LRRC7: variants seen among roughly 807,000 people sequenced by gnomAD.
The protein encoded by LRRC7 is leucine rich repeat containing 7, also known as leucine-rich repeat-containing protein 7.
In LRRC7, 23 loss-of-function variants were observed where a neutral mutation model predicts 175.7. The observed-to-expected ratio is 0.13, with a 90% CI of 0.09 to 0.19. The LOEUF (loss-of-function observed/expected upper bound fraction) is 0.19, where lower values mean the gene tolerates loss of function less well. Among genes scored for constraint, LRRC7 ranks in the 10% least tolerant of loss-of-function variants. The pLI is 1.00. For synonymous variants in LRRC7, 685 were observed against 680.9 expected, an observed-to-expected ratio of 1.01 and a Z score of -0.09; for missense variants, 1,354 against 1,904.7, an observed-to-expected ratio of 0.71 and a Z score of 5.38.
At chr1:69,642,300 C>A (rs920735956) in intron 1 of LRRC7, among the ~76,000 whole-genome samples, 1 of 151,706 alleles carries the variant, frequency 6.6e-6, no homozygotes, top group Non-Finnish European at 1.5e-5. Flanking sequence ...CAAAATATAA[C>A]AAATCTTGCT....
chr1:70,008,007 A>G (rs1234893831), intron 11 of LRRC7, among the ~76,000 whole-genome samples: 1 of 152,100 alleles, frequency 6.6e-6, no homozygotes, highest in Admixed American at 6.5e-5. Context: ...TTAGGGGAAT[A>G]GAACTAATCA....
chr1:69,703,668 C>T (rs891967327), intron 2 of LRRC7, among the ~76,000 whole-genome samples: 3 of 151,932 alleles, frequency 2.0e-5, no homozygotes, highest in Admixed American at 6.6e-5. Context: ...TCAACAGTTA[C>T]GTAATTGTTG....
At chr1:69,911,022 T>C (rs1450765513) in intron 7 of LRRC7, among the ~76,000 whole-genome samples, 1 of 152,204 alleles carries the variant, frequency 6.6e-6, no homozygotes, top group Non-Finnish European at 1.5e-5. Flanking sequence ...TATAATCTCC[T>C]GGTGTGCCGT....
chr1:69,825,733 T>G lies in LRRC7; in HGVS notation c.422-15T>G. The G allele has an allele frequency of 6.5e-7, 1 of 1,547,650 alleles. No individual in the cohort carries two copies. The highest frequency in any genetic ancestry group is 8.8e-7 in the Non-Finnish European group (1 of 1,131,478). On this transcript the variant is annotated splice_polypyrimidine_tract_variant and intron_variant, in intron 4 of 26. Transcript: ENST00000651989. ...TTGGAACATTTTCATGTACTTTGTT[T>G]TTTTCACATTTTAGGTGTACAAGAA...
At chr1:70,025,838 G>A (rs978755836) in intron 17 of LRRC7, among the ~76,000 whole-genome samples, 4 of 144,512 alleles carry the variant, frequency 2.8e-5, no homozygotes, top group African/African-American at 9.9e-5. Context: ...TTAAGGGGGG[G>A]GGGGTCCTCT....
intron 1 of LRRC7, among the ~76,000 whole-genome samples, chr1:69,643,995 T>C (rs1239955987): frequency 1.3e-5 from 2 of 152,138 alleles, no homozygotes; most frequent in Non-Finnish European, 2.9e-5. Flanking sequence ...AATAAAAATG[T>C]AGCAAAATTT....
intron 23 of LRRC7, among the ~76,000 whole-genome samples, chr1:70,055,201 G>A (rs575373082): frequency 5.9e-5 from 9 of 152,236 alleles, no homozygotes; most frequent in African/African-American, 1.4e-4. Flanking sequence ...ACCTGGAAAG[G>A]GCACCTGTTT....
intron 26 of LRRC7, among the ~76,000 whole-genome samples, chr1:70,115,288 A>AT (rs888945510): frequency 1.1e-4 from 16 of 152,192 alleles, no homozygotes; most frequent in African/African-American, 3.6e-4. Context: ...CTGCAGAAGC[A>AT]TTTTTTGTGT....
intron 7 of LRRC7, among the ~76,000 whole-genome samples, chr1:69,894,760 T>A (rs1645930472): frequency 6.6e-6 from 1 of 152,182 alleles, no homozygotes; most frequent in Non-Finnish European, 1.5e-5. Flanking sequence ...AAATGCTGTG[T>A]AATATCTCTA....
At chr1:70,089,511 G>A (rs537699499) in intron 24 of LRRC7, among the ~76,000 whole-genome samples, 1 of 152,086 alleles carries the variant, frequency 6.6e-6, no homozygotes, top group Non-Finnish European at 1.5e-5. Flanking sequence ...ATATCTTCTT[G>A]CCCAGGTAAT....
chr1:69,763,845 G>A (rs1343225474), intron 3 of LRRC7, among the ~76,000 whole-genome samples: 1 of 151,954 alleles, frequency 6.6e-6, no homozygotes, highest in African/African-American at 2.4e-5. Context: ...GATTTGTTGA[G>A]TAATAAGATA....
intron 7 of LRRC7, among the ~76,000 whole-genome samples, chr1:69,909,617 G>C (rs1452290806): frequency 6.6e-6 from 1 of 152,172 alleles, no homozygotes; most frequent in East Asian, 1.9e-4. Flanking sequence ...CTTCTGGCTT[G>C]TAGGGTTTCT....
In LRRC7 at chr1:69,568,580, C is replaced by G. The variant is rs72671185; in HGVS notation, c.-60C>G. 170,440 of 1,341,334 alleles carry G rather than the reference C, an allele frequency of 0.13. 11,706 individuals carry two copies. Among genetic ancestry groups the G allele is most frequent in the South Asian group, 0.22 (18,097 of 83,836 alleles). The allele number at this position is 1,341,334 out of a possible 1,614,324, so 83.1% of individuals were successfully genotyped here. A position where few individuals can be genotyped will look rare whatever the true frequency, so the allele number is the denominator to read the frequency against. On this transcript the variant is annotated 5_prime_UTR_variant, in exon 1 of 27. Coordinates refer to ENST00000651989, the MANE Select transcript of LRRC7 (RefSeq NM_001370785.2). ...GGACCCCTGAACACTTAAGGAATAA[C>G]CCTTGGCAGCTGCACGACTACGCTC... is the stretch of plus-strand genomic sequence containing the variant.
intron 1 of LRRC7, among the ~76,000 whole-genome samples, chr1:69,621,045 T>G (rs1389367600): frequency 3.3e-5 from 5 of 151,722 alleles, no homozygotes; most frequent in Non-Finnish European, 7.4e-5. Flanking sequence ...TCTTTTTTTT[T>G]TCTTTTTTTT....
At chr1:69,808,106 G>A (rs955979091) in intron 4 of LRRC7, among the ~76,000 whole-genome samples, 1 of 151,352 alleles carries the variant, frequency 6.6e-6, no homozygotes, top group Non-Finnish European at 1.5e-5. Flanking sequence ...TGATACTTGT[G>A]TATGCTTCAC....
At chr1:70,050,172 T>C (rs140335813) in intron 22 of LRRC7, among the ~76,000 whole-genome samples, 157 of 152,136 alleles carry the variant, frequency 1.0e-3, no homozygotes, top group Middle Eastern at 0.01. Context: ...TGCCGACATA[T>C]ATAGATATAG....
At chr1:69,771,983 A>G (rs573866359) in intron 3 of LRRC7, among the ~76,000 whole-genome samples, 4 of 152,110 alleles carry the variant, frequency 2.6e-5, no homozygotes, top group Admixed American at 1.3e-4. Context: ...TTAGCCAGGC[A>G]TGATGGCGGT....
intron 7 of LRRC7, among the ~76,000 whole-genome samples, chr1:69,921,456 T>C (rs2101736567): frequency 6.6e-6 from 1 of 152,304 alleles, no homozygotes; most frequent in South Asian, 2.1e-4. Flanking sequence ...CTTAGATTTA[T>C]TCCATTCTAA....
chr1:69,631,149 T>C (rs1208771464), intron 1 of LRRC7, among the ~76,000 whole-genome samples: 2 of 152,158 alleles, frequency 1.3e-5, no homozygotes, highest in Non-Finnish European at 2.9e-5. Context: ...TTAAATATCT[T>C]TTCTTTATGT....
Sources: gnomAD v4.1 joint callset for allele counts (sites outside exome capture counted in the v4.1 genomes callset) on GRCh38, gnomAD v4.1.1 for gene constraint, MANE v1.5 for transcripts, NCBI Gene and HGNC (gene_info 2026-07-23, HGNC 2026-07-21) for gene names.